Variants in MBNL1 observed in about 807,000 individuals in gnomAD.
MBNL1 encodes muscleblind like splicing regulator 1.
Under a neutral mutation model 42.2 loss-of-function variants are expected in MBNL1, and 8 were observed. The observed-to-expected ratio is 0.19, with a 90% CI of 0.11 to 0.34. The LOEUF (loss-of-function observed/expected upper bound fraction) is 0.34, where lower values mean the gene tolerates loss of function less well. Ranked by LOEUF, MBNL1 falls within the 10% of genes least tolerant of loss-of-function variation. MBNL1 has a pLI of 1.00. For missense variants in MBNL1, 309 were observed against 495.3 expected (o/e 0.62, Z 3.57); for synonymous variants, 169 against 173.9 (o/e 0.97, Z 0.22).
chr3:152,420,994 C>T (rs763545684), intron 3 of MBNL1, among the ~76,000 whole-genome samples: 2 of 151,980 alleles, frequency 1.3e-5, no homozygotes, highest in Non-Finnish European at 2.9e-5. Context: ...GTAGCTGAAT[C>T]GATCAAGTGG....
At chr3:152,252,799 C>A (rs1200435261) in intron 2 of MBNL1, among the ~76,000 whole-genome samples, 1 of 152,036 alleles carries the variant, frequency 6.6e-6, no homozygotes, top group African/African-American at 2.4e-5. Context: ...CAAGAGTAAT[C>A]ATAAATATAC....
chr3:152,452,490 G>A (rs745869874), intron 6 of MBNL1, among the ~76,000 whole-genome samples: 6 of 152,248 alleles, frequency 3.9e-5, no homozygotes, highest in East Asian at 1.9e-4. Flanking sequence ...TTCAGTCACC[G>A]CTGCTCACTG....
chr3:152,260,087 G>T (rs991110367), intron 2 of MBNL1, among the ~76,000 whole-genome samples: 2 of 152,186 alleles, frequency 1.3e-5, no homozygotes, highest in African/African-American at 4.8e-5. Flanking sequence ...CTGGAATTAT[G>T]CCAGGTGCTC....
intron 6 of MBNL1, among the ~76,000 whole-genome samples, chr3:152,454,405 T>C (rs1297131258): frequency 6.6e-6 from 1 of 152,198 alleles, no homozygotes; most frequent in African/African-American, 2.4e-5. Context: ...TCCCAGATGC[T>C]GCTAGTATTT....
At chr3:152,246,734 GTA>G (rs1236595708) in intron 2 of MBNL1, among the ~76,000 whole-genome samples, 2 of 151,876 alleles carry the variant, frequency 1.3e-5, no homozygotes, top group Non-Finnish European at 2.9e-5. Flanking sequence ...GCTGTGTATA[GTA>G]TTGTAAAATT....
chr3:152,371,741 T>C (rs1470678601), intron 2 of MBNL1, among the ~76,000 whole-genome samples: 2 of 152,206 alleles, frequency 1.3e-5, no homozygotes, highest in African/African-American at 4.8e-5. Flanking sequence ...GTTTTTTTCA[T>C]TCCTTTCAAC....
chr3:152,331,323 A>G (rs997354177), intron 2 of MBNL1, among the ~76,000 whole-genome samples: 1 of 152,234 alleles, frequency 6.6e-6, no homozygotes, highest in African/African-American at 2.4e-5. Flanking sequence ...GTTTGGAAAC[A>G]CTAAGTCATA....
At chr3:152,401,633 A>G (rs1306478164) in intron 2 of MBNL1, among the ~76,000 whole-genome samples, 3 of 152,178 alleles carry the variant, frequency 2.0e-5, no homozygotes, top group Non-Finnish European at 2.9e-5. Flanking sequence ...GAGAGCTGCA[A>G]TGAACACAGG....
chr3:152,429,596 A>C (rs1226124584), intron 3 of MBNL1, among the ~76,000 whole-genome samples: 1 of 152,170 alleles, frequency 6.6e-6, no homozygotes, highest in Non-Finnish European at 1.5e-5. Flanking sequence ...AACCCCCTGC[A>C]GGTTAGCTTT....
chr3:152,327,617 G>C (rs2081246935), intron 2 of MBNL1, among the ~76,000 whole-genome samples: 1 of 152,168 alleles, frequency 6.6e-6, no homozygotes, highest in Non-Finnish European at 1.5e-5. Flanking sequence ...CCAAAGTGCT[G>C]GGATTATAGG....
chr3:152,409,376 A>AT (rs922911521), intron 2 of MBNL1, among the ~76,000 whole-genome samples: 2 of 152,014 alleles, frequency 1.3e-5, no homozygotes. Flanking sequence ...CATAAAAAAC[A>AT]TTTTTTGCAA....
At chr3:152,251,063 A>G (rs2034447893) in intron 2 of MBNL1, among the ~76,000 whole-genome samples, 1 of 152,138 alleles carries the variant, frequency 6.6e-6, no homozygotes, top group South Asian at 2.1e-4. Context: ...GTAATCCAGC[A>G]TATAAACAGA....
At chr3:152,391,212 ATTAAGCACTCTCTCCTTTTTCAGTT>A (rs1280378344) in intron 2 of MBNL1, among the ~76,000 whole-genome samples, 2 of 152,226 alleles carry the variant, frequency 1.3e-5, no homozygotes, top group African/African-American at 4.8e-5. Context: ...AGTTCCTACT[ATTAAGCACTCTCTCCTTTTTCAGTT>A]TTAAAGGAAT....
chr3:152,415,048 C>T lies in MBNL1; in HGVS notation c.282C>T (p.Ala94=), dbSNP rs1429844791. The T allele has an allele frequency of 1.2e-6, 2 of 1,610,190 alleles. No individual in the cohort carries two copies. Among genetic ancestry groups the T allele is most frequent in the African/African-American group, 2.7e-5 (2 of 74,708 alleles). ...ACTTGATTCAGCAGAAGAACATGGCCATGTTGGCCCAGCAAATGCAACTAG... is the reference window on the plus strand; with the variant it reads ...ACTTGATTCAGCAGAAGAACATGGCTATGTTGGCCCAGCAAATGCAACTAG... ...RNNLIQQKNM[A]MLAQQMQLAN... is the part of the protein sequence containing the mutation. The change falls in exon 3 of 10, where the codon GCC becomes GCT. Residue 94 remains alanine, a synonymous_variant. Transcript: ENST00000324210.
chr3:152,454,336 T>G (rs1161126083), intron 6 of MBNL1, among the ~76,000 whole-genome samples: 1 of 152,184 alleles, frequency 6.6e-6, no homozygotes, highest in Admixed American at 6.5e-5. Flanking sequence ...GGCAGCTTTA[T>G]TTTATAGGGC....
At position 152,332,739 on chromosome 3, in the gene MBNL1, T is replaced by TGTGTGCGC. The variant is rs1256022678; in HGVS notation, c.174+32373_174+32374insTGTGCGCG. Among the ~76,000 whole-genome samples the TGTGTGCGC allele has an allele frequency of 8.4e-3, 969 of 115,580 alleles. 6 individuals carry two copies. The highest frequency in any genetic ancestry group is 0.021 in the Middle Eastern group (4 of 188). The allele number at this position is 115,580 out of a possible 152,430, so 75.8% of individuals were successfully genotyped here. A position where few individuals can be genotyped will look rare whatever the true frequency, so the allele number is the denominator to read the frequency against. ...GTGTGTGTGTGTGTGTGTGTGTGTG[T>TGTGTGCGC]GCGCGCGCGCATGCGCACACACTAG... On this transcript the variant is annotated intron_variant, in intron 2 of 9. Coordinates refer to ENST00000324210, the MANE Select transcript of MBNL1 (RefSeq NM_021038.5).
intron 2 of MBNL1, among the ~76,000 whole-genome samples, chr3:152,343,253 A>G (rs2093658200): frequency 6.6e-6 from 1 of 152,204 alleles, no homozygotes; most frequent in Non-Finnish European, 1.5e-5. Flanking sequence ...GGGATTATCA[A>G]TCTTGTGTTC....
At chr3:152,428,482 T>A (rs1281014286) in intron 3 of MBNL1, among the ~76,000 whole-genome samples, 1 of 152,176 alleles carries the variant, frequency 6.6e-6, no homozygotes, top group Non-Finnish European at 1.5e-5. Flanking sequence ...GAAACTTACC[T>A]AAAGAGTCCT....
chr3:152,279,628 C>T (rs2047258141), intron 1 of MBNL1, among the ~76,000 whole-genome samples: 1 of 152,122 alleles, frequency 6.6e-6, no homozygotes, highest in Admixed American at 6.6e-5. Flanking sequence ...CTCCCATCTT[C>T]AGTAGATATG....
Sources: gnomAD v4.1 joint callset for allele counts (sites outside exome capture counted in the v4.1 genomes callset) on GRCh38, gnomAD v4.1.1 for gene constraint, MANE v1.5 for transcripts, NCBI Gene and HGNC (gene_info 2026-07-23, HGNC 2026-07-21) for gene names.